TDRP: variants seen among roughly 807,000 people sequenced by gnomAD.
The protein encoded by TDRP is testis development-related protein.
In TDRP, 12 loss-of-function variants were observed where a neutral mutation model predicts 10.5. The observed-to-expected ratio is 1.15, with a 90% CI of 0.73 to 1.86. The LOEUF is 1.86. Ranked by LOEUF, TDRP falls within the 40% of genes most tolerant of loss-of-function variation. The probability of loss-of-function intolerance (pLI) is 0.00; values close to 1 mark genes in which losing one functional copy is unlikely to be tolerated. For synonymous variants in TDRP, 139 were observed against 95.4 expected (o/e 1.46, Z -2.67); for missense variants, 353 against 229.2 (o/e 1.54, Z -3.49).
chr8:540,420 T>G (rs1280818099), intron 1 of TDRP, among the ~76,000 whole-genome samples: 1 of 152,248 alleles, frequency 6.6e-6, no homozygotes, highest in South Asian at 2.1e-4. Flanking sequence ...AAATGTTTCA[T>G]GGACAGATAT....
At chr8:499,424 C>G (rs17065054) in intron 1 of TDRP, among the ~76,000 whole-genome samples, 20,401 of 152,158 alleles carry the variant, frequency 0.13, 1,965 homozygotes, top group African/African-American at 0.28. Flanking sequence ...AACCACACCA[C>G]TGTCCCTGTA....
chr8:537,851 C>G (rs1223466818), intron 1 of TDRP, among the ~76,000 whole-genome samples: 1 of 152,156 alleles, frequency 6.6e-6, no homozygotes, highest in Non-Finnish European at 1.5e-5. Flanking sequence ...AACATGAATA[C>G]AATGGGTTTT....
At chr8:534,972 C>T (rs1409966959) in intron 1 of TDRP, among the ~76,000 whole-genome samples, 1 of 152,142 alleles carries the variant, frequency 6.6e-6, no homozygotes, top group Non-Finnish European at 1.5e-5. Context: ...CGACACAACG[C>T]ATTCTGAGTA....
intron 1 of TDRP, among the ~76,000 whole-genome samples, chr8:539,439 TTC>T: frequency 6.6e-6 from 1 of 152,332 alleles, no homozygotes; most frequent in South Asian, 2.1e-4. Flanking sequence ...GTTTATCCTA[TTC>T]TGTTACAGTG....
At chr8:497,052 T>C (rs1801156006) in intron 1 of TDRP, among the ~76,000 whole-genome samples, 1 of 152,162 alleles carries the variant, frequency 6.6e-6, no homozygotes, top group Non-Finnish European at 1.5e-5. Flanking sequence ...TATAGCAGTG[T>C]GAAAACAGAC....
intron 1 of TDRP, among the ~76,000 whole-genome samples, chr8:527,355 G>A (rs1012768954): frequency 1.4e-4 from 21 of 151,876 alleles, no homozygotes; most frequent in Non-Finnish European, 2.4e-4. Context: ...GCAATCTACA[G>A]ATTCAATGTA....
intron 1 of TDRP, among the ~76,000 whole-genome samples, chr8:517,717 T>G (rs1801794799): frequency 1.3e-5 from 2 of 152,176 alleles, no homozygotes; most frequent in African/African-American, 4.8e-5. Context: ...CCCAACAACC[T>G]TGGGTACATG....
rs144049138 is a variant in TDRP, at chr8:512,273, C to CA, written c.109-17677dup. ...CCCTTCTCTACAACAACAACAACAA[C>CA]AAAAAAAAAAATGACTGGGCATGGT... On this transcript the variant is annotated intron_variant, in intron 1 of 2. Coordinates refer to ENST00000324079, the MANE Select transcript of TDRP (RefSeq NM_001384899.1). Among the ~76,000 whole-genome samples, 449 of 103,032 alleles carry CA rather than the reference C, an allele frequency of 4.4e-3. 5 individuals are homozygous for CA. Among genetic ancestry groups the CA allele is most frequent in the Admixed American group, 7.2e-3 (80 of 11,106 alleles). The allele number at this position is 103,032 out of a possible 152,430, so 67.6% of individuals were successfully genotyped here.
intron 1 of TDRP, among the ~76,000 whole-genome samples, chr8:524,584 T>C (rs1030936649): frequency 3.3e-5 from 5 of 152,076 alleles, no homozygotes; most frequent in Admixed American, 6.5e-5. Context: ...GACCAGGAGA[T>C]TGAAATAAGT....
At chr8:544,609 C>T (rs1405859125) in intron 1 of TDRP, 41 bp downstream of exon 1, 4 of 1,204,882 alleles carry the variant, frequency 3.3e-6, no homozygotes, top group African/African-American at 1.6e-5. Context: ...CACCTGCGCG[C>T]CCCCGGCCTA....
At chr8:530,515 A>G (rs1802162830) in intron 1 of TDRP, among the ~76,000 whole-genome samples, 1 of 152,188 alleles carries the variant, frequency 6.6e-6, no homozygotes, top group Non-Finnish European at 1.5e-5. Flanking sequence ...AACTTCACCA[A>G]TCAGCTCAGC....
chr8:496,931 T>C (rs757618366), intron 1 of TDRP, among the ~76,000 whole-genome samples: 1 of 152,236 alleles, frequency 6.6e-6, no homozygotes, highest in Non-Finnish European at 1.5e-5. Flanking sequence ...ACATAAGATG[T>C]GCCTTGCTTC....
rs1201487282 is a variant in TDRP, at chr8:544,738, C to T, written c.20G>A (p.Gly7Asp). 4.8e-6 allele frequency: 6 copies of T among 1,240,024 alleles called. No homozygotes were observed. The highest frequency in any genetic ancestry group is 3.2e-5 in the East Asian group (1 of 31,624). The allele number at this position is 1,240,024 out of a possible 1,614,324, so 76.8% of individuals were successfully genotyped here. A position where few individuals can be genotyped will look rare whatever the true frequency, so the allele number is the denominator to read the frequency against. Residue 7 changes from glycine (G) to aspartate (D), a missense_variant, in exon 1 of 3, where the codon GGC (glycine) becomes GAC (aspartate). Coordinates refer to ENST00000324079, the MANE Select transcript of TDRP (RefSeq NM_001384899.1). MWKLGR[G>D]RVLLDEPPEE... is the part of the protein sequence containing the mutation. Reference sequence around the variant, plus strand: ...GGGGGGCTCGTCCAGCAGCACTCGGCCCCGGCCCAGCTTCCACATGGTCAG... The same window carrying T: ...GGGGGGCTCGTCCAGCAGCACTCGGTCCCGGCCCAGCTTCCACATGGTCAG...
chr8:511,874 T>C (rs557429175), intron 1 of TDRP, among the ~76,000 whole-genome samples: 2 of 152,166 alleles, frequency 1.3e-5, no homozygotes, highest in East Asian at 3.9e-4. Flanking sequence ...GTAAACAAAG[T>C]GAAGACACAA....
intron 1 of TDRP, among the ~76,000 whole-genome samples, chr8:497,528 T>C (rs1398055081): frequency 1.3e-5 from 2 of 152,100 alleles, no homozygotes; most frequent in African/African-American, 2.4e-5. Context: ...GGTCTGAAAT[T>C]GGAACTTATG....
intron 1 of TDRP, among the ~76,000 whole-genome samples, chr8:529,129 G>C (rs1802114593): frequency 1.3e-5 from 2 of 151,998 alleles, no homozygotes; most frequent in South Asian, 4.2e-4. Context: ...ATTGGCGGTG[G>C]GTCTGCCTTT....
At chr8:532,519 T>C (rs1217628690) in intron 1 of TDRP, among the ~76,000 whole-genome samples, 3 of 152,240 alleles carry the variant, frequency 2.0e-5, no homozygotes, top group Admixed American at 6.5e-5. Context: ...TCCTTGAGTA[T>C]CATCTTGTTC....
intron 1 of TDRP, among the ~76,000 whole-genome samples, chr8:510,299 AC>A (rs960350186): frequency 3.3e-5 from 5 of 149,958 alleles, no homozygotes; most frequent in African/African-American, 9.8e-5. Context: ...TCTGGTAACC[AC>A]CCCCCATCCC....
intron 1 of TDRP, among the ~76,000 whole-genome samples, chr8:533,692 T>C (rs1008769295): frequency 2.0e-5 from 3 of 152,154 alleles, no homozygotes; most frequent in African/African-American, 7.2e-5. Flanking sequence ...TTAATGGGAT[T>C]TTCCCAGTTC....
Sources: gnomAD v4.1 joint callset for allele counts (sites outside exome capture counted in the v4.1 genomes callset) on GRCh38, gnomAD v4.1.1 for gene constraint, MANE v1.5 for transcripts, NCBI Gene and HGNC (gene_info 2026-07-23, HGNC 2026-07-21) for gene names.